FRMD4A: variants seen among roughly 807,000 people sequenced by gnomAD.
FRMD4A encodes FERM domain-containing protein 4A.
A neutral mutation model predicts 129.1 loss-of-function variants in FRMD4A; 29 were observed. The ratio of observed to expected loss-of-function variants is 0.22; its 90% confidence interval spans 0.17 to 0.31. The LOEUF (loss-of-function observed/expected upper bound fraction) is 0.31. Ranked by LOEUF, FRMD4A falls within the 10% of genes least tolerant of loss-of-function variation. The pLI, the probability that FRMD4A is intolerant of heterozygous loss-of-function variation, is 1.00. For synonymous variants in FRMD4A, 634 were observed against 571.6 expected, an observed-to-expected ratio of 1.11 and a Z score of -1.56; for missense variants, 1,272 against 1,375.8, an observed-to-expected ratio of 0.92 and a Z score of 1.19.
At chr10:13,734,840 CTATTTATTTATT>C (rs140004557) in intron 12 of FRMD4A, among the ~76,000 whole-genome samples, 39,972 of 141,418 alleles carry the variant, frequency 0.28, 6,929 homozygotes, top group Non-Finnish European at 0.39. Context: ...TCTTCTTTTT[CTATTTATTTATT>C]TATTTATTTA....
At chr10:14,270,776 G>A (rs10906641) in intron 2 of FRMD4A, among the ~76,000 whole-genome samples, 6 of 152,064 alleles carry the variant, frequency 3.9e-5, no homozygotes, top group African/African-American at 4.8e-5. Flanking sequence ...TAAGAGTGAC[G>A]TTCCCACGGT....
chr10:13,887,105 C>G lies in FRMD4A; in HGVS notation c.46-28193G>C, dbSNP rs958095113. The stretch of plus-strand genomic sequence containing the variant: ...AAACATCACACAGTGTAGAGATCGC[C>G]CTTCCTAACAAGCTAGAGCCTACAA... On this transcript the variant is annotated intron_variant, in intron 2 of 24. Coordinates refer to ENST00000357447, the MANE Select transcript of FRMD4A (RefSeq NM_018027.5). Among the ~76,000 whole-genome samples, 5 of 140,632 alleles carry G rather than the reference C, an allele frequency of 3.6e-5. No individual in the cohort carries two copies. The South Asian group carries it at 1.1e-3, about 32-fold the overall frequency. 92.3% of individuals were successfully genotyped at this position (140,632 alleles called of 152,430 possible).
chr10:14,307,060 T>A (rs1167337167), intron 2 of FRMD4A, among the ~76,000 whole-genome samples: 2 of 152,320 alleles, frequency 1.3e-5, no homozygotes, highest in East Asian at 1.9e-4. Context: ...GACAGGCAAA[T>A]GCTTCTGCTG....
chr10:14,153,843 AT>A (rs1425683967), intron 2 of FRMD4A, among the ~76,000 whole-genome samples: 1 of 152,184 alleles, frequency 6.6e-6, no homozygotes, highest in Non-Finnish European at 1.5e-5. Context: ...CCTCCCAGAC[AT>A]TATTAATCAA....
At position 14,216,940 on chromosome 10, in the gene FRMD4A, C is replaced by T. The variant is rs146088018; in HGVS notation, c.45+113118G>A. Among the ~76,000 whole-genome samples, 532 of 152,114 alleles carry T rather than the reference C, an allele frequency of 3.5e-3. 2 individuals are homozygous for T. The highest frequency in any genetic ancestry group is 0.012 in the African/African-American group (498 of 41,492). On this transcript the variant is annotated intron_variant, in intron 2 of 24. Coordinates refer to ENST00000357447, the MANE Select transcript of FRMD4A (RefSeq NM_018027.5). ...ATAATTCAGTTTGTTTAACTTAGTC[C>T]GAAATGCAGTTGAGGATTTTCCTAA...
intron 2 of FRMD4A, among the ~76,000 whole-genome samples, chr10:14,031,516 C>T (rs923838867): frequency 1.2e-4 from 18 of 152,316 alleles, no homozygotes; most frequent in African/African-American, 4.3e-4. Flanking sequence ...GATCCACCTG[C>T]CTCGGCCTCC....
intron 2 of FRMD4A, among the ~76,000 whole-genome samples, chr10:13,946,713 G>A (rs1466249811): frequency 6.6e-6 from 1 of 152,112 alleles, no homozygotes; most frequent in African/African-American, 2.4e-5. Context: ...GACCAGCATG[G>A]CCAGCCTATA....
intron 2 of FRMD4A, among the ~76,000 whole-genome samples, chr10:14,021,407 A>G (rs1480401747): frequency 1.4e-4 from 21 of 151,774 alleles, no homozygotes; most frequent in Admixed American, 1.3e-3. Context: ...TAATAAAAAA[A>G]ACAGCTGGGC....
chr10:14,057,459 C>T (rs913501151), intron 2 of FRMD4A, among the ~76,000 whole-genome samples: 12 of 152,220 alleles, frequency 7.9e-5, no homozygotes, highest in Middle Eastern at 3.4e-3. Context: ...TGCTTCAATT[C>T]AAGAAATTTC....
chr10:13,831,939 T>C (rs2093796274), intron 3 of FRMD4A, among the ~76,000 whole-genome samples: 1 of 152,006 alleles, frequency 6.6e-6, no homozygotes, highest in African/African-American at 2.4e-5. Flanking sequence ...TCAGGGCTTT[T>C]TTAGCCAAAC....
intron 2 of FRMD4A, among the ~76,000 whole-genome samples, chr10:14,131,396 G>GCCCC (rs145039808): frequency 0.026 from 3,866 of 148,456 alleles, 64 homozygotes; most frequent in Non-Finnish European, 0.031. Context: ...AACTCACTGT[G>GCCCC]CCCCCCCCGG....
intron 2 of FRMD4A, among the ~76,000 whole-genome samples, chr10:14,206,461 T>G (rs1842783261): frequency 6.6e-6 from 1 of 152,286 alleles, no homozygotes; most frequent in South Asian, 2.1e-4. Flanking sequence ...TGTCACTATC[T>G]CTTATTTGTA....
At chr10:14,253,225 C>T (rs1477862687) in intron 2 of FRMD4A, among the ~76,000 whole-genome samples, 3 of 152,138 alleles carry the variant, frequency 2.0e-5, no homozygotes, top group Non-Finnish European at 4.4e-5. Context: ...CGCTGAAGAC[C>T]GAGAAACTGT....
intron 2 of FRMD4A, among the ~76,000 whole-genome samples, chr10:13,881,154 A>G (rs1040154242): frequency 9.2e-5 from 14 of 151,818 alleles, no homozygotes; most frequent in African/African-American, 2.9e-4. Flanking sequence ...GTGGTGGTTC[A>G]CACCTGTAAT....
intron 2 of FRMD4A, among the ~76,000 whole-genome samples, chr10:14,231,059 T>C (rs1843623156): frequency 6.6e-6 from 1 of 152,196 alleles, no homozygotes; most frequent in Non-Finnish European, 1.5e-5. Flanking sequence ...GTCTTTGCTA[T>C]TGTGAAGGGT....
At chr10:14,050,895 A>C (rs575176804) in intron 2 of FRMD4A, among the ~76,000 whole-genome samples, 1 of 152,278 alleles carries the variant, frequency 6.6e-6, no homozygotes, top group East Asian at 1.9e-4. Context: ...GGTAAACATA[A>C]GCAAAGCCTT....
intron 2 of FRMD4A, among the ~76,000 whole-genome samples, chr10:13,964,628 T>C (rs370158954): frequency 2.0e-5 from 3 of 152,066 alleles, no homozygotes; most frequent in South Asian, 4.2e-4. Context: ...CTTACAAAAG[T>C]GAGATATTTT....
chr10:13,726,345 G>A (rs991324863), intron 12 of FRMD4A, among the ~76,000 whole-genome samples: 4 of 152,204 alleles, frequency 2.6e-5, no homozygotes, highest in Non-Finnish European at 5.9e-5. Flanking sequence ...GGATATGGAG[G>A]TCATGAAGGT....
chr10:13,724,249 G>A lies in FRMD4A; in HGVS notation c.759+13595C>T, dbSNP rs569708321. Among the ~76,000 whole-genome samples the A allele has an allele frequency of 2.4e-4, 36 of 152,276 alleles. No homozygotes were observed. The South Asian group carries it at 6.8e-3, about 29-fold the overall frequency. ...TAAAAATACAAAACATTAGCTGGGC[G>A]TGGTGGCGGGCGCCTGTAGTCCCAG... On this transcript the variant is annotated intron_variant, in intron 12 of 24. Transcript: ENST00000357447.
Sources: gnomAD v4.1 joint callset for allele counts (sites outside exome capture counted in the v4.1 genomes callset) on GRCh38, gnomAD v4.1.1 for gene constraint, MANE v1.5 for transcripts, NCBI Gene and HGNC (gene_info 2026-07-23, HGNC 2026-07-21) for gene names.